PCDHGA7: variants seen among roughly 807,000 people sequenced by gnomAD.
The protein encoded by PCDHGA7 is protocadherin gamma subfamily A, 7.
In PCDHGA7, 44 loss-of-function variants were observed where a neutral mutation model predicts 58.3. That is an observed-to-expected ratio of 0.75 (90% CI 0.59 to 0.97). The LOEUF is 0.97. Ranked by LOEUF, PCDHGA7 falls within the 50% of genes least tolerant of loss-of-function variation. The probability of loss-of-function intolerance (pLI) is 0.00; values close to 1 mark genes in which losing one functional copy is unlikely to be tolerated. For synonymous variants in PCDHGA7, 516 were observed against 504.2 expected (o/e 1.02, Z -0.31); for missense variants, 1,266 against 1,188.7 (o/e 1.06, Z -0.96).
chr5:141,384,331 G>C lies in PCDHGA7; in HGVS notation c.1432G>C (p.Asp478His), dbSNP rs376216978. ...CTCCATTTTCTTAGTGACTGCACAG[G>C]ACCACGACAGTGAGGATAATGCCCA... ...GASIFLVTAQDHDSEDNAQIT... is the reference protein window; with the variant it reads ...GASIFLVTAQHHDSEDNAQIT... Residue 478 changes from aspartate (D) to histidine (H), a missense_variant, in exon 1 of 4, where the codon GAC becomes CAC. Physicochemically the swap from Asp to His is moderately conservative, Grantham distance 81. Transcript: ENST00000518325. 6.2e-7 allele frequency: 1 copy of C among 1,613,728 alleles called. No individual in the cohort carries two copies. Among genetic ancestry groups the C allele is most frequent in the Non-Finnish European group, 8.5e-7 (1 of 1,179,904 alleles).
intron 1 of PCDHGA7, among the ~76,000 whole-genome samples, chr5:141,467,931 T>C (rs771009105): frequency 1.3e-5 from 2 of 151,966 alleles, no homozygotes; most frequent in Non-Finnish European, 2.9e-5. Flanking sequence ...AATGCTAGGA[T>C]TACAAGCATG....
At position 141,485,939 on chromosome 5, in the gene PCDHGA7, C is replaced by A; in HGVS notation, c.2425-8868C>A. ...CAGGATTAGTGTGTTGGAGAGCGCA[C>A]CAGCGGGCATGGTGCTCATCCAGCT... On this transcript the variant is annotated intron_variant, in intron 1 of 3. Transcript: ENST00000518325. This position sits in a 1 kb window ranked among gnomAD's most constrained non-coding sequence, Gnocchi z 5.7. 1 of 1,614,140 alleles carries A rather than the reference C, an allele frequency of 6.2e-7. No homozygotes were observed. The highest frequency in any genetic ancestry group is 8.5e-7 in the Non-Finnish European group (1 of 1,180,030).
intron 1 of PCDHGA7, chr5:141,398,283 G>A (rs1470207042): frequency 7.2e-7 from 1 of 1,396,846 alleles, no homozygotes; most frequent in East Asian, 2.5e-5. Context: ...ACCTCGCCAC[G>A]GACCTGGGGT....
intron 2 of PCDHGA7, among the ~76,000 whole-genome samples, chr5:141,502,956 G>A (rs986743949): frequency 1.3e-5 from 2 of 148,846 alleles, no homozygotes; most frequent in African/African-American, 5.0e-5. Context: ...CGATTCTCCT[G>A]CCTCAGCCTC....
At chr5:141,450,887 C>T (rs531604055) in intron 1 of PCDHGA7, among the ~76,000 whole-genome samples, 18 of 148,682 alleles carry the variant, frequency 1.2e-4, no homozygotes, top group East Asian at 1.2e-3. Flanking sequence ...TGCAGTGGTG[C>T]GATATCGGCT....
chr5:141,490,180 C>T lies in PCDHGA7; in HGVS notation c.2425-4627C>T, dbSNP rs747366205. On this transcript the variant is annotated intron_variant, in intron 1 of 3. Coordinates refer to ENST00000518325, the MANE Select transcript of PCDHGA7 (RefSeq NM_018920.4). This position sits in a 1 kb window ranked among gnomAD's most constrained non-coding sequence, Gnocchi z 5.4. ...GGGTCCCATAGACTTTGAGGAGTCACGTTTCTATGAAATTCATGCAAGAGC... is the reference window on the plus strand; with the variant it reads ...GGGTCCCATAGACTTTGAGGAGTCATGTTTCTATGAAATTCATGCAAGAGC... 3 of 1,614,208 alleles carry T rather than the reference C, an allele frequency of 1.9e-6. No individual in the cohort carries two copies. Among genetic ancestry groups the T allele is most frequent in the East Asian group, 2.2e-5 (1 of 44,882 alleles).
chr5:141,395,420 T>A, intron 1 of PCDHGA7: 1 of 771,734 alleles, frequency 1.3e-6, no homozygotes, highest in Non-Finnish European at 2.0e-6. Flanking sequence ...ATTGTTTCAT[T>A]TGCTTTTAAA....
rs766644204 is a variant in PCDHGA7, at chr5:141,383,900, T to C, written c.1001T>C (p.Leu334Pro). Residue 334 changes from leucine to proline, a missense_variant, in exon 1 of 4, where the codon CTG becomes CCG. Physicochemically the swap from Leu to Pro is moderately conservative, Grantham distance 98. Coordinates refer to ENST00000518325, the MANE Select transcript of PCDHGA7 (RefSeq NM_018920.4). ...GGTAGTCTGACAAAGGCAAAAGTAC[T>C]GATCACAGTTTTAGATGTAAATGAT... is the stretch of plus-strand genomic sequence containing the variant. ...GPGSLTKAKV[L>P]ITVLDVNDNA... The C allele has an allele frequency of 3.7e-6, 6 of 1,613,976 alleles. No individual in the cohort carries two copies. The highest frequency in any genetic ancestry group is 5.1e-6 in the Non-Finnish European group (6 of 1,179,882).
At chr5:141,436,793 C>T (rs752376420) in intron 1 of PCDHGA7, among the ~76,000 whole-genome samples, 4 of 152,178 alleles carry the variant, frequency 2.6e-5, no homozygotes, top group Non-Finnish European at 5.9e-5. Flanking sequence ...TAAAACTGTT[C>T]TAAAATTTTT....
Position 141,486,567 on chromosome 5 carries a change from C to T in PCDHGA7, c.2425-8240C>T, listed in dbSNP as rs1562113360. On this transcript the variant is annotated intron_variant, in intron 1 of 3. Transcript: ENST00000518325. The surrounding 1 kb of genome is among the most constrained non-coding windows in gnomAD (Gnocchi z 5.0). ...CAGAGGTCACATGAGGTGTTTGTTCCTGAGAACAATCGCCCAGGGGACCTG... is the reference window on the plus strand; with the variant it reads ...CAGAGGTCACATGAGGTGTTTGTTCTTGAGAACAATCGCCCAGGGGACCTG... The T allele has an allele frequency of 6.2e-7, 1 of 1,613,918 alleles. No homozygotes were observed. The highest frequency in any genetic ancestry group is 8.5e-7 in the Non-Finnish European group (1 of 1,179,986).
Position 141,486,747 on chromosome 5 carries a change from A to G in PCDHGA7, c.2425-8060A>G, listed in dbSNP as rs750666508. The G allele has an allele frequency of 3.1e-6, 5 of 1,614,210 alleles. No homozygotes were observed. The highest frequency in any genetic ancestry group is 4.2e-6 in the Non-Finnish European group (5 of 1,180,034). On this transcript the variant is annotated intron_variant, in intron 1 of 3. Transcript: ENST00000518325. This position sits in a 1 kb window ranked among gnomAD's most constrained non-coding sequence, Gnocchi z 5.0. Reference sequence around the variant, plus strand: ...GTTCATGCTACTCGATCCTTTGACTATGAGCAAACCCAGACACTGCAGTTT... The same window carrying G: ...GTTCATGCTACTCGATCCTTTGACTGTGAGCAAACCCAGACACTGCAGTTT...
At chr5:141,387,448 G>T (rs913381872) in intron 1 of PCDHGA7, among the ~76,000 whole-genome samples, 1 of 152,228 alleles carries the variant, frequency 6.6e-6, no homozygotes, top group African/African-American at 2.4e-5. Context: ...TAATCTACAT[G>T]ATTTGCCTAA....
chr5:141,434,440 T>C (rs1283641379), intron 1 of PCDHGA7, among the ~76,000 whole-genome samples: 2 of 152,238 alleles, frequency 1.3e-5, no homozygotes, highest in Non-Finnish European at 2.9e-5. Flanking sequence ...GTAATGCCCA[T>C]GCTGGAAGGT....
chr5:141,476,820 T>C lies in PCDHGA7; in HGVS notation c.2425-17987T>C, dbSNP rs368919360. 6.2e-7 allele frequency: 1 copy of C among 1,613,594 alleles called. No individual in the cohort carries two copies. Among genetic ancestry groups the C allele is most frequent in the African/African-American group, 1.3e-5 (1 of 75,066 alleles). The stretch of plus-strand genomic sequence containing the variant: ...AGCCTGCCTATTCACATCAAGGTGC[T>C]GGACGCGAATGACAATGCGCCTGTC... On this transcript the variant is annotated intron_variant, in intron 1 of 3. Transcript: ENST00000518325. This position sits in a 1 kb window ranked among gnomAD's most constrained non-coding sequence, Gnocchi z 7.6.
chr5:141,436,962 C>A (rs1462988296), intron 1 of PCDHGA7, among the ~76,000 whole-genome samples: 1 of 152,144 alleles, frequency 6.6e-6, no homozygotes, highest in Non-Finnish European at 1.5e-5. Context: ...AAACAAGGAT[C>A]TTGTGAAACT....
At chr5:141,478,620 G>A (rs1400703951) in intron 1 of PCDHGA7, 2 of 1,555,472 alleles carry the variant, frequency 1.3e-6, no homozygotes, top group East Asian at 2.4e-5. Context: ...AAGGAATGGA[G>A]CTGTTTTTTT....
At chr5:141,501,718 A>G (rs914077060) in intron 2 of PCDHGA7, among the ~76,000 whole-genome samples, 1 of 152,152 alleles carries the variant, frequency 6.6e-6, no homozygotes, top group Non-Finnish European at 1.5e-5. Flanking sequence ...AAAAAGACAA[A>G]TATATTACCC....
chr5:141,483,501 G>T (rs1022338958), intron 1 of PCDHGA7, among the ~76,000 whole-genome samples: 1 of 150,394 alleles, frequency 6.6e-6, no homozygotes, highest in Non-Finnish European at 1.5e-5. Flanking sequence ...ATGAGTCAAG[G>T]CTGATCCCCC....
In PCDHGA7 at chr5:141,493,103, A is replaced by G. The variant is rs1396614836; in HGVS notation, c.2425-1704A>G. Among the ~76,000 whole-genome samples the G allele has an allele frequency of 6.6e-6, 1 of 152,086 alleles. No homozygotes were observed. The highest frequency in any genetic ancestry group is 1.5e-5 in the Non-Finnish European group (1 of 68,022). On this transcript the variant is annotated intron_variant, in intron 1 of 3. Transcript: ENST00000518325. The surrounding 1 kb of genome is among the most constrained non-coding windows in gnomAD (Gnocchi z 4.3). ...AGGAGCTTTTATTCAAAATATATCA[A>G]TGCCTAACTCTGCTCCTAGGACTGT...
Sources: allele counts gnomAD v4.1 joint callset (sites outside exome capture counted in the v4.1 genomes callset), GRCh38; gene constraint gnomAD v4.1.1; non-coding constraint Gnocchi (gnomAD v3.1); transcripts MANE v1.5; gene names NCBI Gene and HGNC (gene_info 2026-07-23, HGNC 2026-07-21).